Variants in EDIL3 observed in about 807,000 individuals in gnomAD.
EDIL3 encodes the protein EGF like and discoidin domains 3, also known as EGF-like repeat and discoidin I-like domain-containing protein 3.
EDIL3 carries 37 observed loss-of-function variants against 67.4 expected under a neutral mutation model. That is an observed-to-expected ratio of 0.55 (90% confidence interval 0.42 to 0.72). EDIL3 has a LOEUF of 0.72. EDIL3 is among the 30% of genes least tolerant of loss of function. The pLI, the probability that EDIL3 is intolerant of heterozygous loss-of-function variation, is 0.00. For synonymous variants in EDIL3, 195 were observed against 196.3 expected, an observed-to-expected ratio of 0.99 and a Z score of 0.05; for missense variants, 527 against 586.3, an observed-to-expected ratio of 0.90 and a Z score of 1.04.
intron 1 of EDIL3, among the ~76,000 whole-genome samples, chr5:84,382,395 A>G (rs1202149453): frequency 1.3e-5 from 2 of 152,144 alleles, no homozygotes; most frequent in South Asian, 2.1e-4. Flanking sequence ...GGCTCCCTCA[A>G]TCAGACCCAG....
rs142955594 is a variant in EDIL3, at chr5:84,163,012, T to C, written c.355+17381A>G. Among the ~76,000 whole-genome samples the C allele has an allele frequency of 5.1e-3, 779 of 152,278 alleles. 4 individuals carry two copies. The highest frequency in any genetic ancestry group is 0.017 in the African/African-American group (714 of 41,556). The stretch of plus-strand genomic sequence containing the variant: ...GTAATAACATACTTAATATCAATCA[T>C]ATTTTTAAAAGTAAATATTTAGGGA... On this transcript the variant is annotated intron_variant, in intron 4 of 10. Coordinates refer to ENST00000296591, the MANE Select transcript of EDIL3 (RefSeq NM_005711.5).
chr5:84,316,324 TAAAG>T (rs1476367652), intron 1 of EDIL3, among the ~76,000 whole-genome samples: 1 of 152,072 alleles, frequency 6.6e-6, no homozygotes, highest in Non-Finnish European at 1.5e-5. Flanking sequence ...GCAAACTGGA[TAAAG>T]AGTCAAGACC....
At position 84,073,381 on chromosome 5, in the gene EDIL3, C is replaced by A. The variant is rs182242048; in HGVS notation, c.652-6775G>T. On this transcript the variant is annotated intron_variant, in intron 6 of 10. Coordinates refer to ENST00000296591, the MANE Select transcript of EDIL3 (RefSeq NM_005711.5). Reference sequence around the variant, plus strand: ...GAAGGAGAAGGAAATAAAGTGTATTCAATTAGGAAAAGAGGAAGTCAAATT... The same window carrying A: ...GAAGGAGAAGGAAATAAAGTGTATTAAATTAGGAAAAGAGGAAGTCAAATT... Among the ~76,000 whole-genome samples, 1,022 of 152,198 alleles carry A rather than the reference C, an allele frequency of 6.7e-3. 11 individuals carry two copies. The highest frequency in any genetic ancestry group is 0.023 in the African/African-American group (972 of 41,530).
chr5:84,075,873 C>T (rs981121606), intron 6 of EDIL3, among the ~76,000 whole-genome samples: 4 of 134,560 alleles, frequency 3.0e-5, no homozygotes, highest in Non-Finnish European at 3.1e-5. Context: ...AGTACAAACA[C>T]GTGCAAAAGT....
rs1346732229 is a variant in EDIL3, at chr5:84,332,318, G to C, written c.67+51990C>G. 2.6e-5 allele frequency among the ~76,000 whole-genome samples: 4 copies of C among 152,194 alleles called. No individual in the cohort carries two copies. In the East Asian group the frequency reaches 7.7e-4, roughly 29 times the overall value. On this transcript the variant is annotated intron_variant, in intron 1 of 10. Transcript: ENST00000296591. Reference sequence around the variant, plus strand: ...GCGCGGGGGTTGGAAACCATAGTGAGCTATGATAGTGCCACTGCACTCCAG... The same window carrying C: ...GCGCGGGGGTTGGAAACCATAGTGACCTATGATAGTGCCACTGCACTCCAG...
At chr5:84,018,090 T>A (rs1745641703) in intron 9 of EDIL3, among the ~76,000 whole-genome samples, 1 of 152,184 alleles carries the variant, frequency 6.6e-6, no homozygotes, top group East Asian at 1.9e-4. Flanking sequence ...CCTCCTCAGC[T>A]CTGAAGTCTG....
chr5:84,248,690 A>G (rs1561234434), intron 2 of EDIL3, among the ~76,000 whole-genome samples: 1 of 152,156 alleles, frequency 6.6e-6, no homozygotes. Flanking sequence ...ATTGTCATTT[A>G]TAATATCTCA....
intron 9 of EDIL3, chr5:84,048,383 G>T: frequency 3.4e-5 from 8 of 237,446 alleles, no homozygotes; most frequent in Non-Finnish European, 6.1e-5. Flanking sequence ...AATTAAATAA[G>T]GCTTATTTAA....
At chr5:84,129,905 T>A (rs1362263517) in intron 5 of EDIL3, among the ~76,000 whole-genome samples, 1 of 152,106 alleles carries the variant, frequency 6.6e-6, no homozygotes, top group Admixed American at 6.6e-5. Flanking sequence ...AGATAAGATA[T>A]ACTAAAGGTG....
intron 2 of EDIL3, among the ~76,000 whole-genome samples, chr5:84,234,550 TTC>T (rs1262007963): frequency 6.6e-6 from 1 of 152,216 alleles, no homozygotes; most frequent in Non-Finnish European, 1.5e-5. Context: ...TTCTTACATA[TTC>T]TGTTTTTGTC....
intron 1 of EDIL3, among the ~76,000 whole-genome samples, chr5:84,312,344 C>G (rs1196332747): frequency 1.4e-5 from 2 of 145,108 alleles, no homozygotes; most frequent in African/African-American, 5.1e-5. Flanking sequence ...CTGACCCCCC[C>G]ACCTCCCTCC....
At chr5:84,306,463 G>A (rs1349156079) in intron 1 of EDIL3, among the ~76,000 whole-genome samples, 1 of 152,128 alleles carries the variant, frequency 6.6e-6, no homozygotes, top group African/African-American at 2.4e-5. Flanking sequence ...CCCACCTTCT[G>A]TGAACTAAAT....
chr5:84,065,938 A>G (rs950402200), intron 7 of EDIL3, among the ~76,000 whole-genome samples: 1 of 151,894 alleles, frequency 6.6e-6, no homozygotes, highest in African/African-American at 2.4e-5. Flanking sequence ...ACACGGTGAA[A>G]CCCCATCTCT....
intron 6 of EDIL3, among the ~76,000 whole-genome samples, chr5:84,071,897 A>G (rs1385759260): frequency 2.6e-5 from 4 of 152,138 alleles, no homozygotes; most frequent in African/African-American, 4.8e-5. Flanking sequence ...TAGAAAACCA[A>G]TAGACTCCAA....
intron 1 of EDIL3, among the ~76,000 whole-genome samples, chr5:84,271,429 A>G (rs1333772843): frequency 6.8e-6 from 1 of 147,776 alleles, no homozygotes; most frequent in Non-Finnish European, 1.5e-5. Flanking sequence ...ATAAATAAAT[A>G]AATAAATAAA....
At chr5:84,203,891 T>G (rs1352138761) in intron 3 of EDIL3, among the ~76,000 whole-genome samples, 1 of 152,172 alleles carries the variant, frequency 6.6e-6, no homozygotes, top group Non-Finnish European at 1.5e-5. Flanking sequence ...GTAGAAACAT[T>G]TTTTAAAAAA....
At chr5:84,000,994 G>T (rs922426554) in intron 9 of EDIL3, among the ~76,000 whole-genome samples, 2 of 151,812 alleles carry the variant, frequency 1.3e-5, no homozygotes, top group African/African-American at 4.8e-5. Flanking sequence ...GGTACTAAGA[G>T]GAAAGTTTAT....
chr5:84,084,356 C>A (rs1038931479), intron 6 of EDIL3, among the ~76,000 whole-genome samples: 13 of 150,440 alleles, frequency 8.6e-5, no homozygotes, highest in African/African-American at 3.3e-4. Context: ...GAACATCATT[C>A]TTTTATTTTT....
chr5:84,161,791 A>T (rs1189085413), intron 4 of EDIL3, among the ~76,000 whole-genome samples: 3 of 152,120 alleles, frequency 2.0e-5, no homozygotes, highest in Non-Finnish European at 4.4e-5. Context: ...CTGGGTCACA[A>T]TGGAAACTCT....
Sources: gnomAD v4.1 joint callset for allele counts (sites outside exome capture counted in the v4.1 genomes callset) on GRCh38, gnomAD v4.1.1 for gene constraint, MANE v1.5 for transcripts, NCBI Gene and HGNC (gene_info 2026-07-23, HGNC 2026-07-21) for gene names.